Variants in LHCGR observed in about 807,000 individuals in gnomAD.
The protein encoded by LHCGR is luteinizing hormone/choriogonadotropin receptor.
LHCGR carries 55 observed loss-of-function variants against 60.7 expected under a neutral mutation model. The ratio of observed to expected loss-of-function variants is 0.91; its 90% CI spans 0.73 to 1.13. The LOEUF (loss-of-function observed/expected upper bound fraction) is 1.13. Ranked by LOEUF, LHCGR falls within the 50% of genes most tolerant of loss-of-function variation. The pLI is 0.00. For synonymous variants in LHCGR, 337 were observed against 316.5 expected (o/e 1.06, Z -0.69); for missense variants, 862 against 836.0 (o/e 1.03, Z -0.38).
intron 6 of LHCGR, 123 bp downstream of exon 6, chr2:48,723,333 G>A (rs1668582121): frequency 1.3e-6 from 1 of 762,608 alleles, no homozygotes; most frequent in South Asian, 1.5e-5. Flanking sequence ...AGCATTTTAG[G>A]TTAAGAAGAA....
chr2:48,733,530 G>A (rs1264958526), intron 1 of LHCGR, among the ~76,000 whole-genome samples: 1 of 152,200 alleles, frequency 6.6e-6, no homozygotes, highest in African/African-American at 2.4e-5. Flanking sequence ...GAGCAGGAAA[G>A]GCAGCAGTGG....
chr2:48,708,050 C>G lies in LHCGR; in HGVS notation c.680+898G>C, dbSNP rs573068051. Among the ~76,000 whole-genome samples the G allele has an allele frequency of 1.6e-4, 24 of 152,292 alleles. No homozygotes were observed. The East Asian group carries it at 4.6e-3, about 29-fold the overall frequency. On this transcript the variant is annotated intron_variant, in intron 8 of 10. Coordinates refer to ENST00000294954, the MANE Select transcript of LHCGR (RefSeq NM_000233.4). Reference sequence around the variant, plus strand: ...GGCTGTACCCACTGTCCAGCCAGTCCCAATGAGATGAACCAGGTACCTCAG... The same window carrying G: ...GGCTGTACCCACTGTCCAGCCAGTCGCAATGAGATGAACCAGGTACCTCAG...
Position 48,698,778 on chromosome 2 carries a change from G to T in LHCGR, c.703C>A (p.Gln235Lys). 6.2e-7 allele frequency: 1 copy of T among 1,613,582 alleles called. No homozygotes were observed. Among genetic ancestry groups the T allele is most frequent in the Non-Finnish European group, 8.5e-7 (1 of 1,179,528 alleles). Residue 235 changes from glutamine to lysine, a missense_variant, in exon 9 of 11, where the codon CAG (glutamine) becomes AAG (lysine). Physicochemically the swap from Gln to Lys is moderately conservative, Grantham distance 53. Transcript: ENST00000294954. ...KTLDISSTKL[Q>K]ALPSYGLESI... ...TCTAGGCCATAGCTCGGCAGGGCCT[G>T]CAATTTGGTGGAAGAAATATCCCTG...
At chr2:48,748,300 T>A (rs1669801042) in intron 1 of LHCGR, among the ~76,000 whole-genome samples, 2 of 152,034 alleles carry the variant, frequency 1.3e-5, no homozygotes, top group South Asian at 4.2e-4. Flanking sequence ...GGCCAACAAG[T>A]CTCACCTGAA....
At chr2:48,747,085 C>G (rs1669742910) in intron 1 of LHCGR, among the ~76,000 whole-genome samples, 1 of 141,594 alleles carries the variant, frequency 7.1e-6, no homozygotes, top group African/African-American at 2.5e-5. Flanking sequence ...ATTATTTTTT[C>G]TTTTACTTTT....
intron 8 of LHCGR, among the ~76,000 whole-genome samples, chr2:48,705,015 T>A (rs954902515): frequency 2.0e-5 from 3 of 152,238 alleles, no homozygotes; most frequent in African/African-American, 7.2e-5. Context: ...CTGCCTTTCC[T>A]TGTGGGCATT....
At chr2:48,752,997 T>TGGGGGGGGGGGGGGG (rs1558909396) in intron 1 of LHCGR, among the ~76,000 whole-genome samples, 1 of 18,436 alleles carries the variant, frequency 5.4e-5, no homozygotes, top group African/African-American at 3.0e-4. Context: ...GGGGGGGGGG[T>TGGGGGGGGGGGGGGG]GGGGAAGGGA....
intron 2 of LHCGR, among the ~76,000 whole-genome samples, chr2:48,730,913 G>A (rs1441697461): frequency 6.6e-6 from 1 of 152,074 alleles, no homozygotes; most frequent in Non-Finnish European, 1.5e-5. Context: ...CAAGGGAATA[G>A]CTGCTCTAGC....
chr2:48,735,363 A>C (rs994665027), intron 1 of LHCGR, among the ~76,000 whole-genome samples: 20 of 152,224 alleles, frequency 1.3e-4, no homozygotes, highest in Admixed American at 9.2e-4. Context: ...GCAGGAGTGC[A>C]CCTGCAGTGC....
intron 2 of LHCGR, among the ~76,000 whole-genome samples, chr2:48,729,524 A>G (rs138532773): frequency 8.4e-4 from 128 of 152,320 alleles, no homozygotes; most frequent in Middle Eastern, 6.8e-3. Flanking sequence ...TTAGAATTGC[A>G]TAGGCCCTTT....
In LHCGR at chr2:48,687,254, G is replaced by A. The variant is rs886110093; in HGVS notation, c.*443C>T. 3 of 160,112 alleles carry A rather than the reference G, an allele frequency of 1.9e-5. No homozygotes were observed. The East Asian group carries it at 5.4e-4, about 29-fold the overall frequency. The allele number at this position is 160,112 out of a possible 1,614,324, so 9.9% of individuals were successfully genotyped here. On this transcript the variant is annotated 3_prime_UTR_variant, in exon 11 of 11. Coordinates refer to ENST00000294954, the MANE Select transcript of LHCGR (RefSeq NM_000233.4). ...TTTAATTTAGCCACATGTGGCTAGT[G>A]GCTACCGGATTGGACAGTGCATCTC... is the stretch of plus-strand genomic sequence containing the variant.
chr2:48,687,367 A>G lies in LHCGR; in HGVS notation c.*330T>C, dbSNP rs1055404478. Reference sequence around the variant, plus strand: ...ATGAACTAATATTTTTATAGAATGCAATACAAATTACGAAAATGAAAAAAA... The same window carrying G: ...ATGAACTAATATTTTTATAGAATGCGATACAAATTACGAAAATGAAAAAAA... On this transcript the variant is annotated 3_prime_UTR_variant, in exon 11 of 11. Coordinates refer to ENST00000294954, the MANE Select transcript of LHCGR (RefSeq NM_000233.4). 3.5e-6 allele frequency: 1 copy of G among 285,408 alleles called. No individual in the cohort carries two copies. The highest frequency in any genetic ancestry group is 7.9e-5 in the East Asian group (1 of 12,672). The allele number at this position is 285,408 out of a possible 1,614,324, so 17.7% of individuals were successfully genotyped here. A position where few individuals can be genotyped will look rare whatever the true frequency, so the allele number is the denominator to read the frequency against.
intron 1 of LHCGR, among the ~76,000 whole-genome samples, chr2:48,752,115 G>T (rs570260950): frequency 1.2e-4 from 19 of 152,158 alleles, no homozygotes; most frequent in Non-Finnish European, 2.2e-4. Flanking sequence ...TGAAATGTGG[G>T]AGGTTATATT....
intron 10 of LHCGR, among the ~76,000 whole-genome samples, chr2:48,689,819 A>G (rs1167926048): frequency 6.6e-6 from 1 of 151,916 alleles, no homozygotes; most frequent in Non-Finnish European, 1.5e-5. Flanking sequence ...GGTTCAAACG[A>G]TTCCCCTGCC....
intron 1 of LHCGR, among the ~76,000 whole-genome samples, chr2:48,740,271 G>A (rs1325734791): frequency 2.6e-5 from 4 of 151,312 alleles, no homozygotes; most frequent in Admixed American, 6.6e-5. Context: ...GGGGAGGGGC[G>A]CCTGCCATTG....
Position 48,748,856 on chromosome 2 carries a change from C to T in LHCGR, c.161+6655G>A, listed in dbSNP as rs143492873. Among the ~76,000 whole-genome samples the T allele has an allele frequency of 3.5e-3, 529 of 152,206 alleles. 3 individuals carry two copies. The highest frequency in any genetic ancestry group is 0.012 in the African/African-American group (497 of 41,534). On this transcript the variant is annotated intron_variant, in intron 1 of 10. Coordinates refer to ENST00000294954, the MANE Select transcript of LHCGR (RefSeq NM_000233.4). ...CATCATTGAGCCAATACCTACAGTG[C>T]AAATTAGAAAAAGGGGACCTGGTGC... is the stretch of plus-strand genomic sequence containing the variant.
intron 2 of LHCGR, among the ~76,000 whole-genome samples, chr2:48,730,121 T>G (rs973014073): frequency 2.0e-5 from 3 of 152,226 alleles, no homozygotes; most frequent in African/African-American, 7.2e-5. Flanking sequence ...TAAGGCTCAC[T>G]GAAGGCTTCA....
chr2:48,720,238 GA>G (rs1668439375), intron 6 of LHCGR: 2 of 152,284 alleles, frequency 1.3e-5, no homozygotes, highest in South Asian at 4.2e-4. Flanking sequence ...GTTACTCTTT[GA>G]GTCTCGTGGG....
chr2:48,734,858 A>G (rs4952923), intron 1 of LHCGR, among the ~76,000 whole-genome samples: 25,472 of 152,210 alleles, frequency 0.17, 2,776 homozygotes, highest in East Asian at 0.34. Context: ...CACCACAACT[A>G]TGCACCTCAG....
Sources: gnomAD v4.1 joint callset for allele counts (sites outside exome capture counted in the v4.1 genomes callset) on GRCh38, gnomAD v4.1.1 for gene constraint, MANE v1.5 for transcripts, NCBI Gene and HGNC (gene_info 2026-07-23, HGNC 2026-07-21) for gene names.